Variants in ATAD2 observed in about 807,000 individuals in gnomAD.
The protein encoded by ATAD2 is ATPase family AAA domain containing 2, also known as ATPase family AAA domain-containing protein 2.
A neutral mutation model predicts 168.9 loss-of-function variants in ATAD2; 62 were observed. That is an observed-to-expected ratio of 0.37 (90% CI 0.30 to 0.45). The LOEUF (loss-of-function observed/expected upper bound fraction) is 0.45, where lower values mean the gene tolerates loss of function less well. Ranked by LOEUF, ATAD2 falls within the 20% of genes least tolerant of loss-of-function variation. ATAD2 has a pLI of 1.00. For missense variants in ATAD2, 1,419 were observed against 1,667.8 expected (o/e 0.85, Z 2.60); for synonymous variants, 613 against 571.6 (o/e 1.07, Z -1.03).
At chr8:123,345,143 A>C (rs1828197389) in intron 18 of ATAD2, 74 bp from the exon 19 acceptor site, 4 of 1,381,436 alleles carry the variant, frequency 2.9e-6, no homozygotes, top group Non-Finnish European at 3.9e-6. Context: ...AGTCTGAAAC[A>C]ATGTTTAACC....
intron 8 of ATAD2, among the ~76,000 whole-genome samples, chr8:123,368,068 C>T (rs1829032930): frequency 6.6e-6 from 1 of 152,194 alleles, no homozygotes; most frequent in African/African-American, 2.4e-5. Flanking sequence ...AGTCTTCTCT[C>T]TCATTCATGA....
At chr8:123,403,899 C>T (rs1174117104) in intron 1 of ATAD2, among the ~76,000 whole-genome samples, 1 of 152,014 alleles carries the variant, frequency 6.6e-6, no homozygotes, top group Admixed American at 6.6e-5. Flanking sequence ...CATAAAGTGA[C>T]CTTGTGAGGC....
At chr8:123,401,095 C>T (rs552538358), upstream of ATAD2, 49 of 1,531,682 alleles carry the variant, frequency 3.2e-5, no homozygotes, top group African/African-American at 6.7e-4. Context: ...CCACACCACC[C>T]TCCTCAGTGA....
chr8:123,392,487 C>G (rs890830909), intron 1 of ATAD2, among the ~76,000 whole-genome samples: 1 of 151,746 alleles, frequency 6.6e-6, no homozygotes, highest in Non-Finnish European at 1.5e-5. Flanking sequence ...CTCTGTGCAT[C>G]AGTTTTCTCA....
At chr8:123,340,812 C>T (rs961011387) in intron 19 of ATAD2, among the ~76,000 whole-genome samples, 2 of 152,008 alleles carry the variant, frequency 1.3e-5, no homozygotes, top group South Asian at 2.1e-4. Context: ...GGGGAATTAC[C>T]GTTAATAGGT....
At position 123,333,531 on chromosome 8, in the gene ATAD2, T is replaced by C. The variant is rs560367591; in HGVS notation, c.3478+347A>G. On this transcript the variant is annotated intron_variant, in intron 24 of 27. Coordinates refer to ENST00000287394, the MANE Select transcript of ATAD2 (RefSeq NM_014109.4). ...GACAAAGGGGCTTAAAGAACAAAAA[T>C]TGGAATTAGAAGTCTGCCAAGGAAG... 4.3e-4 allele frequency among the ~76,000 whole-genome samples: 65 copies of C among 150,816 alleles called. No individual in the cohort carries two copies. The South Asian group carries it at 0.012, about 27-fold the overall frequency.
At position 123,401,506 on chromosome 8, in the gene ATAD2, A is replaced by G. The variant is rs565682958; in HGVS notation, c.-2281-331T>C. 147 of 1,568,340 alleles carry G rather than the reference A, an allele frequency of 9.4e-5. 1 individual carries two copies. In the South Asian group the frequency reaches 1.6e-3, roughly 17 times the overall value. ...GTGGTGACAGCAGCCCAGGCCAAGA[A>G]CCTGATTGATGCTGGTGTGGACGGG... On this transcript the variant is annotated intron_variant, in intron 1 of 28. Transcript: ENST00000521903.
intron 1 of ATAD2, among the ~76,000 whole-genome samples, chr8:123,392,762 G>A (rs944380897): frequency 2.0e-5 from 3 of 152,184 alleles, no homozygotes; most frequent in Non-Finnish European, 4.4e-5. Context: ...GTTTTGTAAA[G>A]GGGTAGAAAA....
At chr8:123,333,178 G>A (rs1827821250) in intron 24 of ATAD2, among the ~76,000 whole-genome samples, 2 of 137,276 alleles carry the variant, frequency 1.5e-5, no homozygotes, top group Non-Finnish European at 3.0e-5. Flanking sequence ...CATGAGGTCA[G>A]GAGATCGAGA....
chr8:123,341,291 C>T (rs573988771), intron 19 of ATAD2, among the ~76,000 whole-genome samples: 2 of 152,282 alleles, frequency 1.3e-5, no homozygotes, highest in South Asian at 4.2e-4. Flanking sequence ...TCCACATTCT[C>T]GAAAAAGTTT....
At chr8:123,410,651 C>T (rs959599711) in intron 1 of ATAD2, among the ~76,000 whole-genome samples, 1 of 152,180 alleles carries the variant, frequency 6.6e-6, no homozygotes, top group Admixed American at 6.5e-5. Flanking sequence ...CCCTTTGGGT[C>T]CCCTCCCTTT....
upstream of ATAD2, chr8:123,401,406 G>A (rs556494083): frequency 1.4e-4 from 194 of 1,383,264 alleles, no homozygotes; most frequent in Middle Eastern, 1.3e-3. Context: ...TGTCCGAAGG[G>A]AACTTGCTGT....
At chr8:123,412,515 C>T (rs1313699846) in intron 1 of ATAD2, among the ~76,000 whole-genome samples, 1 of 152,106 alleles carries the variant, frequency 6.6e-6, no homozygotes, top group African/African-American at 2.4e-5. Context: ...TCACTGCAGC[C>T]TCAAACTCCT....
intron 19 of ATAD2, among the ~76,000 whole-genome samples, chr8:123,344,344 C>CTTTT (rs764379399): frequency 1.4e-4 from 17 of 125,860 alleles, no homozygotes; most frequent in South Asian, 4.9e-4. Context: ...TTTTTAAATA[C>CTTTT]TTTTTTTTTT....
chr8:123,345,623 A>T (rs2131322107), intron 18 of ATAD2, among the ~76,000 whole-genome samples: 1 of 152,244 alleles, frequency 6.6e-6, no homozygotes, highest in African/African-American at 2.4e-5. Flanking sequence ...CGGAGGTTGC[A>T]GGGAGCCAGG....
intron 1 of ATAD2, among the ~76,000 whole-genome samples, chr8:123,403,385 C>T (rs1037622656): frequency 2.0e-5 from 3 of 151,674 alleles, no homozygotes; most frequent in Non-Finnish European, 4.4e-5. Context: ...CAGGCGTGAG[C>T]CACTGCGCCC....
intron 20 of ATAD2, among the ~76,000 whole-genome samples, chr8:123,338,519 T>C (rs1827980589): frequency 6.6e-6 from 1 of 152,168 alleles, no homozygotes; most frequent in South Asian, 2.1e-4. Flanking sequence ...TTTGTTTAAA[T>C]AGATATCCAA....
chr8:123,350,733 CTTTT>C (rs904617091), intron 13 of ATAD2, among the ~76,000 whole-genome samples: 1 of 148,440 alleles, frequency 6.7e-6, no homozygotes, highest in Non-Finnish European at 1.5e-5. Context: ...CTTTTTTTTT[CTTTT>C]TTTTTGAGAC....
In ATAD2 at chr8:123,336,405, G is replaced by A; in HGVS notation, c.3179C>T (p.Ala1060Val). 1 of 1,578,780 alleles carries A rather than the reference G, an allele frequency of 6.3e-7. No individual in the cohort carries two copies. The highest frequency in any genetic ancestry group is 8.6e-7 in the Non-Finnish European group (1 of 1,169,466). ...LRDIDLICSN[A>V]LEYNPDRDPG... ...ATCTCTATCTGGATTGTATTCTAAGGCATTACTACAGATTAGATCAATATC... is the reference window on the plus strand; with the variant it reads ...ATCTCTATCTGGATTGTATTCTAAGACATTACTACAGATTAGATCAATATC... The change falls in exon 22 of 28, where the codon GCC (alanine) becomes GTC (valine). Residue 1060 changes from alanine (A) to valine (V), a missense_variant. Ala to Val is a moderately conservative substitution (Grantham distance 64, BLOSUM62 0). Transcript: ENST00000287394.
Sources: gnomAD v4.1 joint callset for allele counts (sites outside exome capture counted in the v4.1 genomes callset) on GRCh38, gnomAD v4.1.1 for gene constraint, MANE v1.5 for transcripts, NCBI Gene and HGNC (gene_info 2026-07-23, HGNC 2026-07-21) for gene names.